The following EXD1 variants were observed in gnomAD, a reference collection of about 807,000 sequenced individuals.
The protein encoded by EXD1 is exonuclease 3'-5' domain containing 1, also known as piRNA biogenesis protein EXD1.
In EXD1, 63 loss-of-function variants were observed where a neutral mutation model predicts 49.1. The observed-to-expected ratio is 1.28, with a 90% CI of 1.05 to 1.58. EXD1 has a LOEUF of 1.58. Ranked by LOEUF, EXD1 falls within the 40% of genes most tolerant of loss-of-function variation. The pLI, the probability that EXD1 is intolerant of heterozygous loss-of-function variation, is 0.00. For missense variants in EXD1, 748 were observed against 666.0 expected (o/e 1.12, Z -1.36); for synonymous variants, 234 against 239.2 (o/e 0.98, Z 0.20).
chr15:41,217,639 TC>T (rs2047021039), intron 3 of EXD1, among the ~76,000 whole-genome samples: 2 of 149,878 alleles, frequency 1.3e-5, no homozygotes, highest in Admixed American at 1.3e-4. Context: ...CAGGTGATAC[TC>T]CTGCCTCAGC....
chr15:41,209,030 C>A (rs1450831394), intron 7 of EXD1, among the ~76,000 whole-genome samples: 1 of 151,710 alleles, frequency 6.6e-6, no homozygotes, highest in Admixed American at 6.6e-5. Flanking sequence ...CAGAAGCTCT[C>A]TCCTTTTGAA....
intron 7 of EXD1, among the ~76,000 whole-genome samples, chr15:41,201,439 T>C (rs1308265007): frequency 6.6e-6 from 1 of 151,916 alleles, no homozygotes; most frequent in Non-Finnish European, 1.5e-5. Flanking sequence ...ATGTCAAATA[T>C]TCAATGCTGC....
At chr15:41,222,278 C>T (rs1004990578) in intron 2 of EXD1, among the ~76,000 whole-genome samples, 21 of 152,052 alleles carry the variant, frequency 1.4e-4, no homozygotes, top group Admixed American at 5.2e-4. Flanking sequence ...TAGCTGGGTG[C>T]GGTGGCATGC....
chr15:41,219,023 C>G (rs2047047662), intron 3 of EXD1, among the ~76,000 whole-genome samples: 1 of 152,122 alleles, frequency 6.6e-6, no homozygotes, highest in African/African-American at 2.4e-5. Context: ...GCTCTCATTC[C>G]TCCACCCCTT....
chr15:41,194,305 C>T (rs922974655), intron 9 of EXD1, among the ~76,000 whole-genome samples: 9 of 151,974 alleles, frequency 5.9e-5, no homozygotes, highest in African/African-American at 9.7e-5. Context: ...GCCACCGTGC[C>T]GGGCCTGAAA....
chr15:41,197,411 A>G (rs2046633275), intron 7 of EXD1, among the ~76,000 whole-genome samples: 1 of 150,322 alleles, frequency 6.7e-6, no homozygotes. Context: ...TTCTTTTTGT[A>G]TTTTTAGTAG....
intron 11 of EXD1, among the ~76,000 whole-genome samples, chr15:41,185,673 AC>A (rs1179852104): frequency 6.6e-6 from 1 of 151,940 alleles, no homozygotes; most frequent in Non-Finnish European, 1.5e-5. Flanking sequence ...GGTGTGTGCC[AC>A]CACGCCTGGC....
intron 11 of EXD1, among the ~76,000 whole-genome samples, chr15:41,189,184 A>G (rs973192463): frequency 5.8e-4 from 89 of 152,170 alleles, no homozygotes; most frequent in Middle Eastern, 3.4e-3. Flanking sequence ...CCTGGCCAAC[A>G]TGGTAAAACC....
At chr15:41,197,288 C>T (rs539845994) in intron 7 of EXD1, among the ~76,000 whole-genome samples, 46 of 148,450 alleles carry the variant, frequency 3.1e-4, no homozygotes, top group African/African-American at 1.1e-3. Flanking sequence ...AGGGCAGTGG[C>T]ACGATCTCGA....
At chr15:41,189,438 C>T (rs569737337) in intron 11 of EXD1, among the ~76,000 whole-genome samples, 12 of 151,180 alleles carry the variant, frequency 7.9e-5, no homozygotes, top group African/African-American at 2.2e-4. Flanking sequence ...CCAAGGTGGG[C>T]GGATCACAAG....
intron 7 of EXD1, 115 bp downstream of exon 7, chr15:41,209,386 A>T: frequency 3.6e-6 from 3 of 840,456 alleles, no homozygotes; most frequent in Non-Finnish European, 5.7e-6. Flanking sequence ...CTGTGGCCTC[A>T]GTGACAGAGT....
chr15:41,229,802 C>T (rs1326248370), intron 1 of EXD1, among the ~76,000 whole-genome samples: 1 of 152,002 alleles, frequency 6.6e-6, no homozygotes, highest in Non-Finnish European at 1.5e-5. Context: ...AAACAAAACT[C>T]TAGTTCTTCA....
intron 7 of EXD1, among the ~76,000 whole-genome samples, chr15:41,205,484 G>C (rs2046806921): frequency 6.6e-6 from 1 of 152,246 alleles, no homozygotes; most frequent in East Asian, 1.9e-4. Flanking sequence ...TAGGTATAAA[G>C]AAAACAAAGT....
rs757122933 is a variant in EXD1, at chr15:41,184,169, T to A, written c.1481A>T (p.Glu494Val). 1.5e-5 allele frequency: 24 copies of A among 1,614,204 alleles called. No individual in the cohort carries two copies. The South Asian group carries it at 2.5e-4, about 17-fold the overall frequency. The change falls in exon 12 of 12, where the codon GAG becomes GTG. Residue 494 changes from glutamate (E) to valine (V), a missense_variant. Glu to Val is a moderately radical substitution (Grantham distance 121). Transcript: ENST00000458580. ...QKEHFMTPKH[E>V]FQASLSLKEE... The stretch of plus-strand genomic sequence containing the variant: ...TTTCAAAGATAAACTTGCCTGAAAC[T>A]CATGTTTGGGTGTCATAAAGTGTTC...
chr15:41,215,785 A>G lies in EXD1; in HGVS notation c.437T>C (p.Phe146Ser). The G allele has an allele frequency of 6.2e-7, 1 of 1,614,010 alleles. No individual in the cohort carries two copies. Residue 146 changes from phenylalanine to serine, a missense_variant, in exon 6 of 12, where the codon TTT becomes TCT. Transcript: ENST00000458580. ...YTVINQFQQK[F>S]GAAILHIKKQ... ...GAGGACAATACTTACCGCAGCACCAAACTTCTGCTGGAATTGATTAATGAC... is the reference window on the plus strand; with the variant it reads ...GAGGACAATACTTACCGCAGCACCAGACTTCTGCTGGAATTGATTAATGAC...
At chr15:41,212,486 G>A (rs2046937335) in intron 6 of EXD1, among the ~76,000 whole-genome samples, 1 of 151,890 alleles carries the variant, frequency 6.6e-6, no homozygotes, top group South Asian at 2.1e-4. Context: ...CTCACAGACT[G>A]CTGGTAGAAA....
chr15:41,223,364 G>C (rs1413042589), intron 2 of EXD1, among the ~76,000 whole-genome samples: 1 of 151,988 alleles, frequency 6.6e-6, no homozygotes, highest in Non-Finnish European at 1.5e-5. Flanking sequence ...AGGTTGCAAT[G>C]AGCCATGATA....
chr15:41,184,670 T>TTC, intron 11 of EXD1, 77 bp from the exon 12 acceptor site: 1 of 1,413,846 alleles, frequency 7.1e-7, no homozygotes, highest in Non-Finnish European at 9.3e-7. Flanking sequence ...TTTTTTTTTT[T>TTC]TTGAGATGGA....
At position 41,230,562 on chromosome 15, in the gene EXD1, C is replaced by A. The variant is rs1275851435; in HGVS notation, c.-137G>T. ...GGGAAATCTGGATCCTAATTTCAGC[C>A]AAGTGGTGCGTTCCTCGAACTTCAG... On this transcript the variant is annotated 5_prime_UTR_variant, in exon 1 of 12. Coordinates refer to ENST00000458580, the MANE Select transcript of EXD1 (RefSeq NM_001286441.2). 1 of 1,613,868 alleles carries A rather than the reference C, an allele frequency of 6.2e-7. No individual in the cohort carries two copies. Among genetic ancestry groups the A allele is most frequent in the Middle Eastern group, 1.7e-4 (1 of 6,060 alleles).
Sources: gnomAD v4.1 joint callset for allele counts (sites outside exome capture counted in the v4.1 genomes callset) on GRCh38, gnomAD v4.1.1 for gene constraint, MANE v1.5 for transcripts, NCBI Gene and HGNC (gene_info 2026-07-23, HGNC 2026-07-21) for gene names.